Variants in TMEM26 observed in about 807,000 individuals in gnomAD.
The protein encoded by TMEM26 is transmembrane protein 26.
TMEM26 carries 38 observed loss-of-function variants against 28.8 expected under a neutral mutation model. The ratio of observed to expected loss-of-function variants is 1.32; its 90% confidence interval spans 1.02 to 1.73. TMEM26 has a LOEUF of 1.73. Among genes scored for constraint, TMEM26 ranks in the 40% most tolerant of loss-of-function variants. The pLI, the probability that TMEM26 is intolerant of heterozygous loss-of-function variation, is 0.00. For synonymous variants in TMEM26, 227 were observed against 182.9 expected, an observed-to-expected ratio of 1.24 and a Z score of -1.95; for missense variants, 518 against 447.1, an observed-to-expected ratio of 1.16 and a Z score of -1.43.
intron 4 of TMEM26, among the ~76,000 whole-genome samples, chr10:61,426,879 A>G (rs1839842067): frequency 6.6e-6 from 1 of 152,084 alleles, no homozygotes; most frequent in Non-Finnish European, 1.5e-5. Flanking sequence ...TTCTTGCAGT[A>G]TAGGCGAGAA....
chr10:61,452,031 T>C (rs1032601826), intron 1 of TMEM26, among the ~76,000 whole-genome samples: 2 of 151,814 alleles, frequency 1.3e-5, no homozygotes. Context: ...TTTAAAGAAT[T>C]AAAAGAGAAA....
chr10:61,410,522 G>C lies in TMEM26; in HGVS notation c.907C>G (p.Arg303Gly), dbSNP rs180963588. 229 of 1,613,924 alleles carry C rather than the reference G, an allele frequency of 1.4e-4. No individual in the cohort carries two copies. Among genetic ancestry groups the C allele is most frequent in the Non-Finnish European group, 1.8e-4 (216 of 1,180,018 alleles). ...ACTGCCAATGCCAGCACCACCAAGC[G>C]GTAGAGTTGCAACACCACCACGAGG... Reference protein sequence around the residue: ...NFLVVVLQLYRLVVLALAVRA... With the variant: ...NFLVVVLQLYGLVVLALAVRA... The change falls in exon 6 of 6, where the codon CGC becomes GGC. Residue 303 changes from arginine to glycine, a missense_variant. Transcript: ENST00000399298.
intron 4 of TMEM26, among the ~76,000 whole-genome samples, chr10:61,428,410 T>C (rs902730503): frequency 1.3e-5 from 2 of 152,130 alleles, no homozygotes; most frequent in Middle Eastern, 3.2e-3. Flanking sequence ...TAAAATTTAG[T>C]AAAATAAAAC....
At chr10:61,417,843 A>G (rs1839679340) in intron 4 of TMEM26, among the ~76,000 whole-genome samples, 1 of 152,084 alleles carries the variant, frequency 6.6e-6, no homozygotes, top group Non-Finnish European at 1.5e-5. Context: ...AGGTGGCTGT[A>G]GTGAAATGAA....
intron 1 of TMEM26, among the ~76,000 whole-genome samples, chr10:61,446,546 C>G (rs1008491903): frequency 6.6e-6 from 1 of 151,976 alleles, no homozygotes; most frequent in Admixed American, 6.5e-5. Flanking sequence ...CTGGGCCAGG[C>G]GCGATGGCTC....
At chr10:61,448,444 A>G (rs1589047196) in intron 1 of TMEM26, among the ~76,000 whole-genome samples, 1 of 152,244 alleles carries the variant, frequency 6.6e-6, no homozygotes, top group East Asian at 1.9e-4. Context: ...CAGAGAAACA[A>G]TATAAACTAC....
intron 1 of TMEM26, among the ~76,000 whole-genome samples, chr10:61,443,251 G>A: frequency 6.7e-6 from 1 of 148,350 alleles, no homozygotes; most frequent in Non-Finnish European, 1.5e-5. Flanking sequence ...AGGAGATCGA[G>A]ACCATCCTGG....
chr10:61,413,002 A>G (rs1434394544), intron 5 of TMEM26: 1 of 1,258,584 alleles, frequency 7.9e-7, no homozygotes, highest in East Asian at 5.6e-5. Flanking sequence ...CATGGGTCTG[A>G]AAAAAGAATG....
At chr10:61,433,579 G>A (rs1435713913) in intron 2 of TMEM26, among the ~76,000 whole-genome samples, 3 of 151,992 alleles carry the variant, frequency 2.0e-5, no homozygotes, top group African/African-American at 4.8e-5. Context: ...TGTCATAAAC[G>A]TTTTGTTCCC....
At chr10:61,413,895 G>C in intron 4 of TMEM26, 2 of 992,038 alleles carry the variant, frequency 2.0e-6, no homozygotes, top group Non-Finnish European at 2.4e-6. Context: ...AGGAATGTCA[G>C]TGGGAGGATT....
intron 4 of TMEM26, among the ~76,000 whole-genome samples, chr10:61,416,729 A>G (rs1329105299): frequency 6.6e-6 from 1 of 152,062 alleles, no homozygotes; most frequent in African/African-American, 2.4e-5. Flanking sequence ...AAGACTTCTT[A>G]GCACACAAAA....
Position 61,443,472 on chromosome 10 carries a change from A to G in TMEM26, c.192-7224T>C, listed in dbSNP as rs182421322. Among the ~76,000 whole-genome samples, 35 of 152,054 alleles carry G rather than the reference A, an allele frequency of 2.3e-4. 1 individual carries two copies. In the East Asian group the frequency reaches 3.1e-3, roughly 13 times the overall value. On this transcript the variant is annotated intron_variant, in intron 1 of 5. Transcript: ENST00000399298. ...TGAGGGAGACTCCATCTCAAAAAAA[A>G]AAAAAGTGCCAAGATCGGTGGATAG... is the stretch of plus-strand genomic sequence containing the variant.
intron 4 of TMEM26, among the ~76,000 whole-genome samples, chr10:61,426,862 G>A (rs1356484463): frequency 6.6e-6 from 1 of 151,968 alleles, no homozygotes; most frequent in Non-Finnish European, 1.5e-5. Flanking sequence ...GATATTTGCA[G>A]TGTCTATTCT....
Position 61,452,932 on chromosome 10 carries a change from A to G in TMEM26, c.150T>C (p.Thr50=). 1.2e-6 allele frequency: 2 copies of G among 1,614,032 alleles called. No homozygotes were observed. The highest frequency in any genetic ancestry group is 1.7e-4 in the Middle Eastern group (1 of 6,060). Residue 50 remains threonine (T), a synonymous_variant, in exon 1 of 6, where the codon ACT becomes ACC. Transcript: ENST00000399298. The stretch of plus-strand genomic sequence containing the variant: ...CGCGCTTGAACTTGAGGGTGAGCGC[A>G]GTCTCCAGGAAGAGCAAGAGGTTGA... ...ALLNLLLFLE[T]ALTLKFKRGR... is the part of the protein sequence containing the mutation.
At chr10:61,411,144 G>A (rs972797495) in intron 5 of TMEM26, among the ~76,000 whole-genome samples, 1 of 152,184 alleles carries the variant, frequency 6.6e-6, no homozygotes, top group African/African-American at 2.4e-5. Flanking sequence ...AAGCCTCACA[G>A]TTGCATGCTC....
At chr10:61,432,530 T>G (rs75818994) in intron 2 of TMEM26, among the ~76,000 whole-genome samples, 1 of 152,022 alleles carries the variant, frequency 6.6e-6, no homozygotes, top group Non-Finnish European at 1.5e-5. Context: ...TTAAAAAAAG[T>G]TGAAGGTTTT....
intron 1 of TMEM26, among the ~76,000 whole-genome samples, chr10:61,437,460 T>C (rs1361354860): frequency 6.6e-6 from 1 of 152,158 alleles, no homozygotes; most frequent in African/African-American, 2.4e-5. Flanking sequence ...AATGCTGAAA[T>C]AAGAAAAATA....
intron 4 of TMEM26, among the ~76,000 whole-genome samples, chr10:61,421,333 T>C (rs550909102): frequency 7.3e-5 from 11 of 151,076 alleles, no homozygotes; most frequent in African/African-American, 2.7e-4. Flanking sequence ...GAAAAACAAA[T>C]AGCAAAATGG....
At chr10:61,452,627 T>A (rs141895830) in intron 1 of TMEM26, 275 of 456,388 alleles carry the variant, frequency 6.0e-4, no homozygotes, top group African/African-American at 4.7e-3. Flanking sequence ...TCTTTACTCA[T>A]CTTCCAAGTT....
Sources: gnomAD v4.1 joint callset for allele counts (sites outside exome capture counted in the v4.1 genomes callset) on GRCh38, gnomAD v4.1.1 for gene constraint, MANE v1.5 for transcripts, NCBI Gene and HGNC (gene_info 2026-07-23, HGNC 2026-07-21) for gene names.